TMEM181: variants seen among roughly 807,000 people sequenced by gnomAD.
TMEM181 encodes transmembrane protein 181.
In TMEM181, 39 loss-of-function variants were observed where a neutral mutation model predicts 71.9. That is an observed-to-expected ratio of 0.54 (90% CI 0.42 to 0.71). TMEM181 has a LOEUF of 0.71. Among genes scored for constraint, TMEM181 ranks in the 30% least tolerant of loss-of-function variants. The probability of loss-of-function intolerance (pLI) is 0.00; values close to 1 mark genes in which losing one functional copy is unlikely to be tolerated. For synonymous variants in TMEM181, 245 were observed against 228.8 expected (o/e 1.07, Z -0.64); for missense variants, 595 against 583.0 (o/e 1.02, Z -0.21).
At position 158,560,109 on chromosome 6, in the gene TMEM181, C is replaced by A. The variant is rs909683328; in HGVS notation, c.-116C>A. On this transcript the variant is annotated 5_prime_UTR_variant, in exon 1 of 17. Coordinates refer to ENST00000684151, the MANE Select transcript of TMEM181 (RefSeq NM_001376852.1). ...CTCTGATGAGTTTTCCGCGGCCGGC[C>A]GCTGCTCAGCCGCTGTCGCTCCGGC... is the stretch of plus-strand genomic sequence containing the variant. 9.1e-6 allele frequency: 9 copies of A among 985,012 alleles called. No individual in the cohort carries two copies. The highest frequency in any genetic ancestry group is 1.7e-5 in the African/African-American group (1 of 57,312). The allele number at this position is 985,012 out of a possible 1,614,324, so 61.0% of individuals were successfully genotyped here.
At chr6:158,560,466 T>C (rs568476319) in intron 1 of TMEM181, among the ~76,000 whole-genome samples, 1 of 152,086 alleles carries the variant, frequency 6.6e-6, no homozygotes, top group Non-Finnish European at 1.5e-5. Context: ...CGGCCGCGGT[T>C]AGAGACCGGG....
At position 158,629,922 on chromosome 6, in the gene TMEM181, G is replaced by A. The variant is rs1213159494; in HGVS notation, c.1282+103G>A. ...GGTTTCCCATTCATGTGGGCGCTGT[G>A]ATTCCCAGTGACTTCTCTTGGCAGA... On this transcript the variant is annotated intron_variant, in intron 15 of 16. Transcript: ENST00000684151. 5.4e-5 allele frequency: 51 copies of A among 938,710 alleles called. No individual in the cohort carries two copies. In the East Asian group the frequency reaches 1.1e-3, roughly 20 times the overall value. The allele number at this position is 938,710 out of a possible 1,614,324, so 58.1% of individuals were successfully genotyped here. A position where few individuals can be genotyped will look rare whatever the true frequency, so the allele number is the denominator to read the frequency against.
intron 2 of TMEM181, among the ~76,000 whole-genome samples, chr6:158,579,294 T>G (rs187800666): frequency 6.6e-6 from 1 of 151,546 alleles, no homozygotes; most frequent in African/African-American, 2.4e-5. Flanking sequence ...GTCTTGATAT[T>G]TGTACACCCA....
intron 6 of TMEM181, 45 bp from the exon 7 acceptor site, chr6:158,605,222 G>A: frequency 6.9e-7 from 1 of 1,451,642 alleles, no homozygotes; most frequent in Non-Finnish European, 9.6e-7. Context: ...TCTCTTAGAT[G>A]CATATATATT....
At chr6:158,539,028 C>G (rs978406351) in intron 1 of TMEM181, among the ~76,000 whole-genome samples, 3 of 152,178 alleles carry the variant, frequency 2.0e-5, no homozygotes, top group African/African-American at 7.2e-5. Context: ...TGTGAAGCCA[C>G]TAGAGGATTT....
chr6:158,579,719 CAA>C (rs1263042330), intron 2 of TMEM181, among the ~76,000 whole-genome samples: 1 of 151,818 alleles, frequency 6.6e-6, no homozygotes, highest in Non-Finnish European at 1.5e-5. Flanking sequence ...AACGCTGTCT[CAA>C]AAAACAAACA....
chr6:158,573,185 G>A (rs1208686418), intron 1 of TMEM181, among the ~76,000 whole-genome samples: 1 of 152,024 alleles, frequency 6.6e-6, no homozygotes, highest in Non-Finnish European at 1.5e-5. Flanking sequence ...GCGGTGGCTG[G>A]TGTGTCCACG....
intron 6 of TMEM181, among the ~76,000 whole-genome samples, chr6:158,600,318 G>C (rs1256041744): frequency 6.6e-6 from 1 of 151,422 alleles, no homozygotes; most frequent in East Asian, 2.0e-4. Flanking sequence ...GCGCCACCAC[G>C]TCTCTGTTTT....
chr6:158,608,801 A>G (rs776746168), intron 10 of TMEM181, 51 bp downstream of exon 10: 5 of 1,568,328 alleles, frequency 3.2e-6, no homozygotes, highest in South Asian at 1.2e-5. Flanking sequence ...GCATTTGACA[A>G]AAGTGGAAAG....
At chr6:158,573,070 T>C (rs1782961997) in intron 1 of TMEM181, among the ~76,000 whole-genome samples, 1 of 151,624 alleles carries the variant, frequency 6.6e-6, no homozygotes, top group Admixed American at 6.6e-5. Context: ...ATGAGATGAG[T>C]AGTGGGATCT....
At chr6:158,578,863 A>G (rs777454458) in intron 2 of TMEM181, among the ~76,000 whole-genome samples, 8 of 152,256 alleles carry the variant, frequency 5.3e-5, no homozygotes, top group Non-Finnish European at 7.3e-5. Context: ...AGATCCAAAG[A>G]CACAAATAGG....
chr6:158,608,966 C>T (rs1247950336), intron 10 of TMEM181, among the ~76,000 whole-genome samples: 4 of 152,022 alleles, frequency 2.6e-5, no homozygotes, highest in African/African-American at 9.7e-5. Context: ...GCCGTGGTGG[C>T]GCATGCCTGT....
chr6:158,589,713 C>T lies in TMEM181; in HGVS notation c.423C>T (p.Asn141=). ...EIIVAHLGYL[N]YTQYTVIVGF... is the part of the protein sequence containing the mutation. ...TTGTGGCTCACCTTGGCTACCTGAA[C>T]TACACTCAGTATACAGTGATAGTGG... The change falls in exon 6 of 17, where the codon AAC becomes AAT. Residue 141 remains asparagine (N), a synonymous_variant. Coordinates refer to ENST00000684151, the MANE Select transcript of TMEM181 (RefSeq NM_001376852.1). 6.2e-7 allele frequency: 1 copy of T among 1,614,178 alleles called. No individual in the cohort carries two copies. The highest frequency in any genetic ancestry group is 1.1e-5 in the South Asian group (1 of 91,084).
rs115250619 is a variant in TMEM181 at position 158,591,383 on chromosome 6, C to T, written c.492+1601C>T. Among the ~76,000 whole-genome samples, 969 of 152,270 alleles carry T rather than the reference C, an allele frequency of 6.4e-3. 8 individuals are homozygous for T. Among genetic ancestry groups the T allele is most frequent in the African/African-American group, 0.022 (900 of 41,546 alleles). On this transcript the variant is annotated intron_variant, in intron 6 of 16. Coordinates refer to ENST00000684151, the MANE Select transcript of TMEM181 (RefSeq NM_001376852.1). ...TGTGCTGCTGGGACAGCTGAGCCGGCTCTCTCGGGAGCCACGTCACTAGTG... is the reference window on the plus strand; with the variant it reads ...TGTGCTGCTGGGACAGCTGAGCCGGTTCTCTCGGGAGCCACGTCACTAGTG...
chr6:158,585,737 G>A (rs1410971829), intron 5 of TMEM181, among the ~76,000 whole-genome samples: 3 of 152,188 alleles, frequency 2.0e-5, no homozygotes, highest in African/African-American at 4.8e-5. Flanking sequence ...TACTGTGTGT[G>A]TGACCTTCTG....
chr6:158,598,696 T>C (rs1026390831), intron 6 of TMEM181, among the ~76,000 whole-genome samples: 1 of 151,774 alleles, frequency 6.6e-6, no homozygotes, highest in African/African-American at 2.4e-5. Flanking sequence ...TTTTTTGAGA[T>C]GGAGTCTTGC....
intron 5 of TMEM181, among the ~76,000 whole-genome samples, chr6:158,586,841 A>T (rs1783800599): frequency 6.6e-6 from 1 of 152,184 alleles, no homozygotes. Flanking sequence ...GGAAAGCAGT[A>T]AAGATCAAGG....
chr6:158,559,259 G>A (rs1215792986), upstream of TMEM181, among the ~76,000 whole-genome samples: 2 of 152,100 alleles, frequency 1.3e-5, no homozygotes, highest in Non-Finnish European at 1.5e-5. Context: ...ACTTACTGTT[G>A]GTAATTTTCT....
At chr6:158,611,978 C>CCG in intron 10 of TMEM181, among the ~76,000 whole-genome samples, 1 of 144,856 alleles carries the variant, frequency 6.9e-6, no homozygotes, top group Non-Finnish European at 1.5e-5. Flanking sequence ...GCAGGGATAC[C>CCG]CCCCCCACCT....
Sources: gnomAD v4.1 joint callset for allele counts (sites outside exome capture counted in the v4.1 genomes callset) on GRCh38, gnomAD v4.1.1 for gene constraint, MANE v1.5 for transcripts, NCBI Gene and HGNC (gene_info 2026-07-23, HGNC 2026-07-21) for gene names.